HECA: variants seen among roughly 807,000 people sequenced by gnomAD.
HECA encodes the protein HECA ribonucleoprotein granule regulator, also known as headcase protein homolog.
In HECA, 13 loss-of-function variants were observed where a neutral mutation model predicts 37.6. That is an observed-to-expected ratio of 0.35 (90% CI 0.23 to 0.55). The LOEUF (loss-of-function observed/expected upper bound fraction) is 0.55. HECA is among the 20% of genes least tolerant of loss of function. HECA has a pLI of 0.90. For synonymous variants in HECA, 307 were observed against 291.5 expected, an observed-to-expected ratio of 1.05 and a Z score of -0.54; for missense variants, 527 against 701.9, an observed-to-expected ratio of 0.75 and a Z score of 2.82.
rs1406627869 is a variant in HECA at position 139,135,276 on chromosome 6, A to C, written c.-121A>C. The C allele has an allele frequency of 1.2e-6, 1 of 807,372 alleles. No individual in the cohort carries two copies. Among genetic ancestry groups the C allele is most frequent in the Non-Finnish European group, 1.6e-6 (1 of 638,670 alleles). The allele number at this position is 807,372 out of a possible 1,614,324, so 50.0% of individuals were successfully genotyped here. On this transcript the variant is annotated 5_prime_UTR_variant, in exon 1 of 4. Transcript: ENST00000367658. The stretch of plus-strand genomic sequence containing the variant: ...GTGCGGCTAGACGGGAGCCGAGGGA[A>C]CCGCCGGCTCGCGCCCTCCGTTCTT...
chr6:139,139,351 T>G (rs1774486968), intron 1 of HECA, among the ~76,000 whole-genome samples: 1 of 152,228 alleles, frequency 6.6e-6, no homozygotes, highest in East Asian at 1.9e-4. Context: ...ACAGATGTAG[T>G]AAAATATCTG....
chr6:139,176,901 G>A lies in HECA; in HGVS notation c.1468-40G>A. The A allele has an allele frequency of 1.2e-6, 1 of 848,504 alleles. No homozygotes were observed. 52.6% of individuals were successfully genotyped at this position (848,504 alleles called of 1,614,324 possible). ...GGATGACTTTGACAAGTGTTGGGAA[G>A]TGGAGGGGTGTTGTGGCTGATGGTG... On this transcript the variant is annotated intron_variant, in intron 3 of 3. Transcript: ENST00000367658. This position sits in a 1 kb window ranked among gnomAD's most constrained non-coding sequence, Gnocchi z 4.5.
intron 1 of HECA, among the ~76,000 whole-genome samples, chr6:139,147,331 A>G (rs1774597052): frequency 6.6e-6 from 1 of 152,232 alleles, no homozygotes; most frequent in Non-Finnish European, 1.5e-5. Flanking sequence ...CATTACTTTT[A>G]AAAGGTCTTA....
intron 2 of HECA, among the ~76,000 whole-genome samples, chr6:139,173,057 G>A (rs958007136): frequency 3.9e-5 from 6 of 152,228 alleles, no homozygotes; most frequent in Admixed American, 3.3e-4. Flanking sequence ...AGGACAGAGA[G>A]TGCAAATGAA....
intron 2 of HECA, among the ~76,000 whole-genome samples, chr6:139,169,305 C>T (rs1233760915): frequency 6.6e-6 from 1 of 151,700 alleles, no homozygotes; most frequent in East Asian, 1.9e-4. Flanking sequence ...ATACATGGCC[C>T]TATTCATCTC....
rs1489801242 is a variant in HECA, at chr6:139,178,070, A to ATT, written c.*965_*966insTT. On this transcript the variant is annotated 3_prime_UTR_variant, in exon 4 of 4. Coordinates refer to ENST00000367658, the MANE Select transcript of HECA (RefSeq NM_016217.3). ...ATTAATTCTGAGTTTCCAAAATCAA[A>ATT]GATTTGACCTTAAGAGGGAAGGGAA... 5.3e-5 allele frequency: 8 copies of ATT among 152,370 alleles called. No individual in the cohort carries two copies. Among genetic ancestry groups the ATT allele is most frequent in the East Asian group, 3.9e-4 (2 of 5,188 alleles). 9.4% of individuals were successfully genotyped at this position (152,370 alleles called of 1,614,324 possible).
intron 1 of HECA, among the ~76,000 whole-genome samples, chr6:139,140,945 A>C (rs543226850): frequency 3.3e-4 from 50 of 152,082 alleles, no homozygotes; most frequent in African/African-American, 1.2e-3. Flanking sequence ...CACCCGCCAC[A>C]ATGCCCGGCT....
intron 1 of HECA, among the ~76,000 whole-genome samples, chr6:139,139,410 T>C (rs1269970016): frequency 3.9e-5 from 6 of 152,246 alleles, no homozygotes; most frequent in Admixed American, 2.6e-4. Context: ...ATACATTAGA[T>C]AGATTAGAAC....
intron 1 of HECA, among the ~76,000 whole-genome samples, chr6:139,136,641 G>GTTTT (rs71015633): frequency 1.4e-5 from 2 of 142,496 alleles, no homozygotes; most frequent in Non-Finnish European, 3.1e-5. Flanking sequence ...TTTTTGTTTT[G>GTTTT]TTTTTTTTTT....
In HECA at chr6:139,152,192, T is replaced by C. The variant is rs148766339; in HGVS notation, c.272-14092T>C. 7.2e-4 allele frequency among the ~76,000 whole-genome samples: 109 copies of C among 152,320 alleles called. 2 individuals are homozygous for C. In the East Asian group the frequency reaches 0.021, roughly 29 times the overall value. On this transcript the variant is annotated intron_variant, in intron 1 of 3. Transcript: ENST00000367658. ...CAAGGAAAATATGAATCTTCTACTT[T>C]ATAGTCATTATTGATGTGATTTCTT...
At chr6:139,141,000 C>T (rs1367125336) in intron 1 of HECA, among the ~76,000 whole-genome samples, 2 of 152,192 alleles carry the variant, frequency 1.3e-5, no homozygotes, top group Non-Finnish European at 2.9e-5. Context: ...CCGTGTTAGC[C>T]AGGATGGTCT....
intron 2 of HECA, among the ~76,000 whole-genome samples, chr6:139,167,629 C>T (rs539474269): frequency 6.6e-6 from 1 of 152,272 alleles, no homozygotes; most frequent in East Asian, 1.9e-4. Flanking sequence ...GCATATTTGT[C>T]ACTTACTGTA....
chr6:139,141,279 T>TC (rs1774509675), intron 1 of HECA, among the ~76,000 whole-genome samples: 1 of 152,226 alleles, frequency 6.6e-6, no homozygotes, highest in Non-Finnish European at 1.5e-5. Context: ...AAATTTTTTT[T>TC]CTCACAAAAC....
intron 2 of HECA, among the ~76,000 whole-genome samples, chr6:139,171,809 C>G (rs72980690): frequency 1.3e-5 from 2 of 151,158 alleles, no homozygotes; most frequent in Non-Finnish European, 1.5e-5. Flanking sequence ...TTTGTTTAAA[C>G]TTGTTGTTGT....
At chr6:139,140,512 T>C (rs1582933935) in intron 1 of HECA, among the ~76,000 whole-genome samples, 2 of 152,254 alleles carry the variant, frequency 1.3e-5, no homozygotes, top group South Asian at 2.1e-4. Context: ...ATGCGCAGTC[T>C]CGTCTTTCTC....
intron 1 of HECA, among the ~76,000 whole-genome samples, chr6:139,137,290 A>T (rs570870780): frequency 1.1e-3 from 171 of 152,086 alleles, no homozygotes; most frequent in African/African-American, 4.1e-3. Context: ...AGTCTTCCAG[A>T]GCCTCAATTT....
chr6:139,163,460 A>G (rs1471440207), intron 1 of HECA, among the ~76,000 whole-genome samples: 1 of 149,880 alleles, frequency 6.7e-6, no homozygotes, highest in African/African-American at 2.5e-5. Context: ...TTCAAGTGAT[A>G]CTCCCACCTC....
At chr6:139,162,801 G>A (rs1343285989) in intron 1 of HECA, among the ~76,000 whole-genome samples, 1 of 152,172 alleles carries the variant, frequency 6.6e-6, no homozygotes, top group East Asian at 1.9e-4. Flanking sequence ...GGTTGGGAAG[G>A]TTGTTGAGTA....
intron 1 of HECA, among the ~76,000 whole-genome samples, chr6:139,139,399 C>T (rs1299338063): frequency 6.6e-6 from 1 of 152,182 alleles, no homozygotes; most frequent in African/African-American, 2.4e-5. Context: ...AAATAGATTA[C>T]ATACATTAGA....
Sources: gnomAD v4.1 joint callset for allele counts (sites outside exome capture counted in the v4.1 genomes callset) on GRCh38, gnomAD v4.1.1 for gene constraint, Gnocchi (gnomAD v3.1) non-coding constraint, MANE v1.5 for transcripts, NCBI Gene and HGNC (gene_info 2026-07-23, HGNC 2026-07-21) for gene names.